Variants in ABI3BP observed in about 807,000 individuals in gnomAD.
ABI3BP encodes the protein ABI family member 3 binding protein.
Under a neutral mutation model 268.6 loss-of-function variants are expected in ABI3BP, and 216 were observed. The observed-to-expected ratio is 0.80, with a 90% CI of 0.72 to 0.90. The LOEUF (loss-of-function observed/expected upper bound fraction) is 0.90. Among genes scored for constraint, ABI3BP ranks in the 40% least tolerant of loss-of-function variants. The pLI is 0.00. For missense variants in ABI3BP, 2,090 were observed against 2,182.4 expected, an observed-to-expected ratio of 0.96 and a Z score of 0.84; for synonymous variants, 730 against 730.0, an observed-to-expected ratio of 1.00 and a Z score of 0.00.
rs1341816741 is a variant in ABI3BP at position 100,845,212 on chromosome 3, C to A, written c.1723+1160G>T. Among the ~76,000 whole-genome samples, 3 of 152,192 alleles carry A rather than the reference C, an allele frequency of 2.0e-5. No homozygotes were observed. In the East Asian group the frequency reaches 5.8e-4, roughly 29 times the overall value. On this transcript the variant is annotated intron_variant, in intron 20 of 67. Coordinates refer to ENST00000471714, the MANE Select transcript of ABI3BP (RefSeq NM_001375547.2). ...ATTTTTAAATAAGTGTGTATTAAAC[C>A]CTTCTCTCATACAGCTGTCAGAGTT... is the stretch of plus-strand genomic sequence containing the variant.
intron 57 of ABI3BP, among the ~76,000 whole-genome samples, chr3:100,782,350 T>C (rs2096893046): frequency 6.6e-6 from 1 of 152,192 alleles, no homozygotes; most frequent in South Asian, 2.1e-4. Context: ...GCCCTCTTTT[T>C]TTTTTATCCA....
At chr3:100,830,884 T>C (rs775028417) in intron 31 of ABI3BP, among the ~76,000 whole-genome samples, 1 of 152,280 alleles carries the variant, frequency 6.6e-6, no homozygotes, top group Non-Finnish European at 1.5e-5. Context: ...AGGTCAATAG[T>C]AAGATCTTCT....
At chr3:100,972,428 A>G (rs150021182) in intron 1 of ABI3BP, among the ~76,000 whole-genome samples, 1 of 152,300 alleles carries the variant, frequency 6.6e-6, no homozygotes, top group East Asian at 1.9e-4. Flanking sequence ...AATGTGCACT[A>G]AAACAACCAG....
At chr3:100,911,391 C>T (rs1561563020) in intron 2 of ABI3BP, 8 of 263,614 alleles carry the variant, frequency 3.0e-5, no homozygotes, top group Non-Finnish European at 5.0e-5. Context: ...AGATATTCTT[C>T]TCTCAGGCTG....
intron 1 of ABI3BP, among the ~76,000 whole-genome samples, chr3:100,935,950 G>T (rs997779486): frequency 6.6e-6 from 1 of 151,906 alleles, no homozygotes; most frequent in Non-Finnish European, 1.5e-5. Context: ...TCCACTTTTC[G>T]TACTTGAGTA....
chr3:100,754,666 T>A lies in ABI3BP; in HGVS notation c.4876A>T (p.Asn1626Tyr), dbSNP rs756928493. ...CTGACCGGGCCTTCACCAAGCGGGTTTTTGGGTTTCACCTGGAATTCATAA... is the reference window on the plus strand; with the variant it reads ...CTGACCGGGCCTTCACCAAGCGGGTATTTGGGTTTCACCTGGAATTCATAA... ...TSYEFQVKPK[N>Y]PLGEGPVSNT... Residue 1626 changes from asparagine to tyrosine, a missense_variant, in exon 64 of 68, where the codon AAC becomes TAC. Asn to Tyr is a moderately radical substitution (Grantham distance 143). Coordinates refer to ENST00000471714, the MANE Select transcript of ABI3BP (RefSeq NM_001375547.2). 3.1e-6 allele frequency: 5 copies of A among 1,590,024 alleles called. No homozygotes were observed. The highest frequency in any genetic ancestry group is 4.3e-6 in the Non-Finnish European group (5 of 1,166,898).
intron 2 of ABI3BP, among the ~76,000 whole-genome samples, chr3:100,912,744 C>A (rs1259429898): frequency 6.6e-6 from 1 of 152,186 alleles, no homozygotes; most frequent in Non-Finnish European, 1.5e-5. Flanking sequence ...GCCTGAGTAA[C>A]GTATACCTGA....
chr3:100,869,253 AAGAGAC>A (rs59464131), intron 9 of ABI3BP, among the ~76,000 whole-genome samples: 55,666 of 106,814 alleles, frequency 0.52, 11,245 homozygotes, highest in African/African-American at 0.64. Flanking sequence ...ACCCCTTCCT[AAGAGAC>A]AGAGACATTT....
Position 100,840,130 on chromosome 3 carries a change from G to A in ABI3BP, c.1839C>T (p.Pro613=). 1 of 1,526,156 alleles carries A rather than the reference G, an allele frequency of 6.6e-7. No homozygotes were observed. The highest frequency in any genetic ancestry group is 8.8e-7 in the Non-Finnish European group (1 of 1,142,052). The allele number at this position is 1,526,156 out of a possible 1,614,324, so 94.5% of individuals were successfully genotyped here. The change falls in exon 23 of 68, where the codon CCC becomes CCT. Residue 613 remains proline (P), a synonymous_variant. Transcript: ENST00000471714. ...TGGTTTTAGGGCGGGGACGGGGGCGGGGGCGACGACCTGGTCTTTTGGTCT... is the reference window on the plus strand; with the variant it reads ...TGGTTTTAGGGCGGGGACGGGGGCGAGGGCGACGACCTGGTCTTTTGGTCT... ...PRKTKRPGRR[P]RPRPRPKTTP... is the part of the protein sequence containing the mutation.
intron 16 of ABI3BP, 23 bp downstream of exon 16, chr3:100,850,637 G>T: frequency 1.3e-6 from 2 of 1,563,212 alleles, no homozygotes; most frequent in South Asian, 1.1e-5. Flanking sequence ...AATAAAGTAT[G>T]ATTTTTCTGT....
rs753248428 is a variant in ABI3BP at position 100,770,921 on chromosome 3, G to A, written c.4563C>T (p.Asp1521=). The A allele has an allele frequency of 6.9e-6, 11 of 1,594,938 alleles. No individual in the cohort carries two copies. Among genetic ancestry groups the A allele is most frequent in the Non-Finnish European group, 8.5e-6 (10 of 1,170,790 alleles). The change falls in exon 62 of 68, where the codon GAC becomes GAT. Residue 1521 remains aspartate, a synonymous_variant. Coordinates refer to ENST00000471714, the MANE Select transcript of ABI3BP (RefSeq NM_001375547.2). ...AGTCAGTAATGGAGCAGGGACTGTT[G>A]TCAGGCTTTTGGATGTATCGCACAT... ...GPHVRYIQKP[D]NSPCSITDSV...
chr3:100,971,700 T>C (rs937116891), intron 1 of ABI3BP, among the ~76,000 whole-genome samples: 1 of 152,148 alleles, frequency 6.6e-6, no homozygotes, highest in African/African-American at 2.4e-5. Flanking sequence ...TATCCTACAA[T>C]TGAAATCAAA....
At chr3:100,923,526 T>C (rs1434036095) in intron 2 of ABI3BP, among the ~76,000 whole-genome samples, 1 of 152,144 alleles carries the variant, frequency 6.6e-6, no homozygotes, top group Admixed American at 6.5e-5. Context: ...CCATTAAATA[T>C]ATAAAAATCA....
intron 12 of ABI3BP, chr3:100,863,547 C>G (rs1371762121): frequency 6.2e-6 from 1 of 161,232 alleles, no homozygotes; most frequent in Admixed American, 6.1e-5. Flanking sequence ...AACTACTGAC[C>G]TCAGGCAATC....
rs1464356199 is a variant in ABI3BP at position 100,749,211 on chromosome 3, AAC to A, written c.*1282_*1283del. 2.4e-5 allele frequency: 1 copy of A among 41,330 alleles called. No homozygotes were observed. Among genetic ancestry groups the A allele is most frequent in the African/African-American group, 8.5e-5 (1 of 11,738 alleles). 2.6% of individuals were successfully genotyped at this position (41,330 alleles called of 1,614,324 possible). A position where few individuals can be genotyped will look rare whatever the true frequency, so the allele number is the denominator to read the frequency against. ...GGATGAAAGGTTAATTTAGGACATA[AAC>A]AAACAGTAGATATAATGGGGGTTGG... On this transcript the variant is annotated 3_prime_UTR_variant, in exon 68 of 68. Transcript: ENST00000471714.
At chr3:100,852,857 TG>T (rs2098872066) in intron 14 of ABI3BP, among the ~76,000 whole-genome samples, 1 of 152,196 alleles carries the variant, frequency 6.6e-6, no homozygotes, top group South Asian at 2.1e-4. Flanking sequence ...GAGTTGAACC[TG>T]CAAGCAAAAA....
Position 100,818,519 on chromosome 3 carries a change from C to T in ABI3BP, c.3088+6G>A, listed in dbSNP as rs965737089. 6.5e-7 allele frequency: 1 copy of T among 1,533,696 alleles called. No homozygotes were observed. Among genetic ancestry groups the T allele is most frequent in the African/African-American group, 1.4e-5 (1 of 73,098 alleles). On this transcript the variant is annotated splice_donor_region_variant and intron_variant, in intron 41 of 67. Coordinates refer to ENST00000471714, the MANE Select transcript of ABI3BP (RefSeq NM_001375547.2). ...GCACTATTTGAAGGACACACATTCT[C>T]ATTACCCATGGTTTTTGGAGCTTCA...
At chr3:100,888,106 G>C (rs1039695424) in intron 4 of ABI3BP, among the ~76,000 whole-genome samples, 3 of 152,026 alleles carry the variant, frequency 2.0e-5, no homozygotes, top group Non-Finnish European at 2.9e-5. Context: ...CCACTGAAAG[G>C]CTTGCCATCA....
chr3:100,879,568 C>T (rs2099204511), intron 6 of ABI3BP, among the ~76,000 whole-genome samples: 1 of 152,100 alleles, frequency 6.6e-6, no homozygotes, highest in Non-Finnish European at 1.5e-5. Flanking sequence ...CATTTTTTGA[C>T]AAGGACAAAT....
Sources: gnomAD v4.1 joint callset for allele counts (sites outside exome capture counted in the v4.1 genomes callset) on GRCh38, gnomAD v4.1.1 for gene constraint, MANE v1.5 for transcripts, NCBI Gene and HGNC (gene_info 2026-07-23, HGNC 2026-07-21) for gene names.